The following CEP78 variants were observed in gnomAD, a reference collection of about 807,000 sequenced individuals.
The protein encoded by CEP78 is centrosomal protein 78.
CEP78 carries 76 observed loss-of-function variants against 81.2 expected under a neutral mutation model. That is an observed-to-expected ratio of 0.94 (90% CI 0.78 to 1.13). The LOEUF is 1.13. Ranked by LOEUF, CEP78 falls within the 50% of genes most tolerant of loss-of-function variation. The pLI, the probability that CEP78 is intolerant of heterozygous loss-of-function variation, is 0.00. For missense variants in CEP78, 918 were observed against 846.8 expected (o/e 1.08, Z -1.04); for synonymous variants, 293 against 301.4 (o/e 0.97, Z 0.29).
chr9:78,243,494 G>T lies in CEP78; in HGVS notation c.636G>T (p.Trp212Cys). 1.2e-6 allele frequency: 2 copies of T among 1,613,582 alleles called. No homozygotes were observed. The highest frequency in any genetic ancestry group is 1.7e-6 in the Non-Finnish European group (2 of 1,179,718). ...YQTMRRHEET[W>C]AESLRYRRPD... Reference sequence around the variant, plus strand: ...CCATGAGAAGGCATGAAGAAACCTGGGCTGAGAGTCTTCGCTATAGGAGAC... The same window carrying T: ...CCATGAGAAGGCATGAAGAAACCTGTGCTGAGAGTCTTCGCTATAGGAGAC... The change falls in exon 5 of 17, where the codon TGG (tryptophan) becomes TGT (cysteine). Residue 212 changes from tryptophan to cysteine, a missense_variant. Transcript: ENST00000643273.
At chr9:78,253,584 C>G (rs1826869764) in intron 10 of CEP78, 2 of 271,652 alleles carry the variant, frequency 7.4e-6, no homozygotes, top group Non-Finnish European at 1.4e-5. Context: ...CTATCATAGT[C>G]AAGAATGTCC....
chr9:78,254,807 A>G (rs763387487), intron 10 of CEP78, 29 bp from the exon 11 acceptor site: 4 of 1,575,548 alleles, frequency 2.5e-6, no homozygotes, highest in Non-Finnish European at 1.7e-6. Context: ...GGTTTATATT[A>G]TTATACAATC....
At chr9:78,237,024 A>T (rs867710899) in intron 1 of CEP78, among the ~76,000 whole-genome samples, 8 of 111,406 alleles carry the variant, frequency 7.2e-5, no homozygotes, top group Non-Finnish European at 1.2e-4. Flanking sequence ...TCTGTCGCCC[A>T]GGCTGGAATG....
At chr9:78,257,633 G>A (rs1276228023) in intron 11 of CEP78, among the ~76,000 whole-genome samples, 2 of 151,868 alleles carry the variant, frequency 1.3e-5, no homozygotes, top group Non-Finnish European at 2.9e-5. Context: ...GAGGGAAGGA[G>A]GGAATCAAAC....
chr9:78,237,955 C>CAAAAAAAA (rs557546978), intron 1 of CEP78, among the ~76,000 whole-genome samples: 2 of 106,110 alleles, frequency 1.9e-5, no homozygotes, highest in Non-Finnish European at 3.7e-5. Context: ...ACTAAAAATA[C>CAAAAAAAA]AAAAAAAAAA....
chr9:78,265,524 G>A lies in CEP78; in HGVS notation c.1778G>A (p.Gly593Glu). The A allele has an allele frequency of 6.4e-7, 1 of 1,570,922 alleles. No homozygotes were observed. Among genetic ancestry groups the A allele is most frequent in the South Asian group, 1.2e-5 (1 of 85,224 alleles). The change falls in exon 14 of 17, where the codon GGG (glycine) becomes GAG (glutamate). Residue 593 changes from glycine (G) to glutamate (E), a missense_variant. Physicochemically the swap from Gly to Glu is moderately conservative, Grantham distance 98 (BLOSUM62 -2). Coordinates refer to ENST00000643273, the MANE Select transcript of CEP78 (RefSeq NM_001330691.3). ...CCAGAACCGAAGCAGAATGCCCTAGGGCAAATGCAAAATATCCAGGTAAAT... is the reference window on the plus strand; with the variant it reads ...CCAGAACCGAAGCAGAATGCCCTAGAGCAAATGCAAAATATCCAGGTAAAT... Reference protein sequence around the residue: ...EKPEPKQNALGQMQNIQVSIC... With the variant: ...EKPEPKQNALEQMQNIQVSIC...
At chr9:78,261,094 G>A (rs1827253676) in intron 11 of CEP78, among the ~76,000 whole-genome samples, 1 of 151,996 alleles carries the variant, frequency 6.6e-6, no homozygotes, top group Non-Finnish European at 1.5e-5. Context: ...GGGATTACAG[G>A]TGCGCACCAC....
Position 78,265,482 on chromosome 9 carries a change from C to A in CEP78, c.1736C>A (p.Ala579Glu). Residue 579 changes from alanine to glutamate, a missense_variant, in exon 14 of 17, where the codon GCG (alanine) becomes GAG (glutamate). Physicochemically the swap from Ala to Glu is moderately radical, Grantham distance 107. Transcript: ENST00000643273. Reference sequence around the variant, plus strand: ...AATCCACCTAAAGAAGAAAAGAAGGCGCTTGAAGATGAAAAACCAGAACCG... The same window carrying A: ...AATCCACCTAAAGAAGAAAAGAAGGAGCTTGAAGATGAAAAACCAGAACCG... ...VSNPPKEEKK[A>E]LEDEKPEPKQ... The A allele has an allele frequency of 6.3e-7, 1 of 1,589,364 alleles. No individual in the cohort carries two copies. Among genetic ancestry groups the A allele is most frequent in the East Asian group, 2.3e-5 (1 of 44,086 alleles).
At position 78,273,302 on chromosome 9, in the gene CEP78, A is replaced by G. The variant is rs1827734238; in HGVS notation, c.*2451A>G. 6.6e-6 allele frequency: 1 copy of G among 152,230 alleles called. No individual in the cohort carries two copies. The highest frequency in any genetic ancestry group is 2.4e-5 in the African/African-American group (1 of 41,466). The allele number at this position is 152,230 out of a possible 1,614,324, so 9.4% of individuals were successfully genotyped here. ...AACAAAAATATACCAGGCAGATGCT[A>G]AAGAGTAAATGTGGCTGTGTTAGCT... is the stretch of plus-strand genomic sequence containing the variant. On this transcript the variant is annotated 3_prime_UTR_variant, in exon 17 of 17. Coordinates refer to ENST00000643273, the MANE Select transcript of CEP78 (RefSeq NM_001330691.3).
chr9:78,251,524 T>C (rs1009783207), intron 8 of CEP78, among the ~76,000 whole-genome samples: 8 of 152,200 alleles, frequency 5.3e-5, no homozygotes, highest in African/African-American at 1.9e-4. Flanking sequence ...TGAGATTTAA[T>C]AACTTAAAAT....
chr9:78,248,710 C>A, intron 7 of CEP78, 52 bp from the exon 8 acceptor site: 1 of 908,082 alleles, frequency 1.1e-6, no homozygotes, highest in Non-Finnish European at 1.7e-6. Flanking sequence ...TAAGATGTAG[C>A]CCTCATAAAT....
rs1258679188 is a variant in CEP78 at position 78,248,153 on chromosome 9, A to T, written c.893-138A>T. The stretch of plus-strand genomic sequence containing the variant: ...AAGTTAGAATACTCAAAGGGGGAAA[A>T]GGTATTTAATTACATTATGTGGAAT... On this transcript the variant is annotated intron_variant, in intron 6 of 16. Transcript: ENST00000643273. The T allele has an allele frequency of 4.6e-6, 3 of 650,054 alleles. No homozygotes were observed. In the African/African-American group the frequency reaches 5.6e-5, roughly 12 times the overall value. The allele number at this position is 650,054 out of a possible 1,614,324, so 40.3% of individuals were successfully genotyped here. A position where few individuals can be genotyped will look rare whatever the true frequency, so the allele number is the denominator to read the frequency against.
chr9:78,254,831 T>A lies in CEP78; in HGVS notation c.1252-5T>A. 1 of 1,604,224 alleles carries A rather than the reference T, an allele frequency of 6.2e-7. No homozygotes were observed. The highest frequency in any genetic ancestry group is 1.1e-5 in the South Asian group (1 of 89,744). Reference sequence around the variant, plus strand: ...TATTATACAATCTTGTCCTCTTTTTTTAAGCAACCAGGTTTTCCTGTGACT... The same window carrying A: ...TATTATACAATCTTGTCCTCTTTTTATAAGCAACCAGGTTTTCCTGTGACT... On this transcript the variant is annotated splice_polypyrimidine_tract_variant and splice_region_variant and intron_variant, in intron 10 of 16. Coordinates refer to ENST00000643273, the MANE Select transcript of CEP78 (RefSeq NM_001330691.3).
At chr9:78,242,027 T>A (rs1826257196) in intron 4 of CEP78, among the ~76,000 whole-genome samples, 1 of 152,256 alleles carries the variant, frequency 6.6e-6, no homozygotes, top group South Asian at 2.1e-4. Flanking sequence ...TAGATTTTTC[T>A]GTAAATACAG....
At chr9:78,262,862 A>G (rs1374101011) in intron 11 of CEP78, 45 bp from the exon 12 acceptor site, 2 of 1,198,306 alleles carry the variant, frequency 1.7e-6, no homozygotes, top group South Asian at 1.5e-5. Flanking sequence ...TTTGGGGATC[A>G]TATTGGGAAT....
chr9:78,268,417 T>C (rs1221568084), intron 16 of CEP78, among the ~76,000 whole-genome samples: 1 of 152,174 alleles, frequency 6.6e-6, no homozygotes, highest in Non-Finnish European at 1.5e-5. Context: ...ATAATCCACG[T>C]TGCATGGAGC....
Position 78,279,445 on chromosome 9 carries a change from T to C in CEP78, c.*8594T>C, listed in dbSNP as rs1297932353. Reference sequence around the variant, plus strand: ...AGATAGGAGACACTTTTGTATATTATTCCAAATATTGCAAACCTACAAGGA... The same window carrying C: ...AGATAGGAGACACTTTTGTATATTACTCCAAATATTGCAAACCTACAAGGA... On this transcript the variant is annotated 3_prime_UTR_variant, in exon 17 of 17. Coordinates refer to ENST00000643273, the MANE Select transcript of CEP78 (RefSeq NM_001330691.3). 6.6e-6 allele frequency: 1 copy of C among 152,196 alleles called. No homozygotes were observed. Among genetic ancestry groups the C allele is most frequent in the South Asian group, 2.1e-4 (1 of 4,826 alleles). The allele number at this position is 152,196 out of a possible 1,614,324, so 9.4% of individuals were successfully genotyped here.
Position 78,236,179 on chromosome 9 carries a change from T to C in CEP78, c.-172T>C, listed in dbSNP as rs1055085900. On this transcript the variant is annotated 5_prime_UTR_variant, in exon 1 of 17. Coordinates refer to ENST00000643273, the MANE Select transcript of CEP78 (RefSeq NM_001330691.3). ...TGGGGCGTTGAGGGGCCGGCCTAGC[T>C]TGGGGCTCTGGCCTTGCGTCTTCCG... 4.9e-6 allele frequency: 3 copies of C among 613,346 alleles called. No individual in the cohort carries two copies. The highest frequency in any genetic ancestry group is 6.6e-5 in the Admixed American group (2 of 30,272). The allele number at this position is 613,346 out of a possible 1,614,324, so 38.0% of individuals were successfully genotyped here.
chr9:78,240,871 G>A (rs949340853), intron 3 of CEP78, among the ~76,000 whole-genome samples: 6 of 151,886 alleles, frequency 4.0e-5, no homozygotes, highest in Admixed American at 1.3e-4. Context: ...GCTGAGGCAG[G>A]AGAATGGTGT....
Sources: allele counts gnomAD v4.1 joint callset (sites outside exome capture counted in the v4.1 genomes callset), GRCh38; gene constraint gnomAD v4.1.1; transcripts MANE v1.5; gene names NCBI Gene and HGNC (gene_info 2026-07-23, HGNC 2026-07-21).